CDH13: variants seen among roughly 807,000 people sequenced by gnomAD.
CDH13 encodes the protein cadherin-13.
A neutral mutation model predicts 63.8 loss-of-function variants in CDH13; 24 were observed. The observed-to-expected ratio is 0.38, with a 90% CI of 0.27 to 0.53. The LOEUF (loss-of-function observed/expected upper bound fraction) is 0.53. CDH13 is among the 20% of genes least tolerant of loss of function. CDH13 has a pLI of 0.85. For missense variants in CDH13, 1,049 were observed against 903.1 expected, an observed-to-expected ratio of 1.16 and a Z score of -2.07; for synonymous variants, 503 against 355.3, an observed-to-expected ratio of 1.42 and a Z score of -4.67.
chr16:83,528,488 G>C (rs961957903), intron 7 of CDH13, among the ~76,000 whole-genome samples: 1 of 152,178 alleles, frequency 6.6e-6, no homozygotes, highest in Non-Finnish European at 1.5e-5. Context: ...CTCATTCTCA[G>C]GGGTTGAGAT....
chr16:83,526,148 G>A (rs2074954120), intron 7 of CDH13, among the ~76,000 whole-genome samples: 1 of 152,206 alleles, frequency 6.6e-6, no homozygotes, highest in Admixed American at 6.5e-5. Flanking sequence ...AGGAAATGCT[G>A]CAGCCACCAC....
Position 83,144,769 on chromosome 16 carries a change from A to G in CDH13, c.483+19268A>G, listed in dbSNP as rs368679438. Among the ~76,000 whole-genome samples, 16 of 152,366 alleles carry G rather than the reference A, an allele frequency of 1.1e-4. No individual in the cohort carries two copies. In the East Asian group the frequency reaches 2.5e-3, roughly 24 times the overall value. On this transcript the variant is annotated intron_variant, in intron 4 of 13. Transcript: ENST00000567109. The stretch of plus-strand genomic sequence containing the variant: ...TCATCACCTGGGCTGGGGATCCCAG[A>G]TTCTGTGAGCAGAAGACTTCATCCA...
At chr16:82,674,987 G>A (rs1047120586) in intron 1 of CDH13, among the ~76,000 whole-genome samples, 1 of 152,124 alleles carries the variant, frequency 6.6e-6, no homozygotes, top group Non-Finnish European at 1.5e-5. Context: ...GTCTCTCAAA[G>A]CTTTGAAGCA....
chr16:83,171,672 T>G (rs1039116594), intron 4 of CDH13: 4 of 932,124 alleles, frequency 4.3e-6, no homozygotes, highest in Non-Finnish European at 6.7e-6. Context: ...ACACTGCAAA[T>G]AGCATGCTCT....
chr16:83,541,781 A>G (rs1157980224), intron 7 of CDH13, among the ~76,000 whole-genome samples: 2 of 152,254 alleles, frequency 1.3e-5, no homozygotes, highest in African/African-American at 4.8e-5. Context: ...TCTGCCTAAC[A>G]TAAGACTCTG....
chr16:83,124,255 A>G (rs1374850910), intron 3 of CDH13, among the ~76,000 whole-genome samples: 2 of 152,152 alleles, frequency 1.3e-5, no homozygotes, highest in African/African-American at 4.8e-5. Flanking sequence ...CATGTTGGCC[A>G]GGCTGGTCTC....
chr16:83,775,657 T>G (rs967696634), intron 11 of CDH13, among the ~76,000 whole-genome samples: 3 of 151,570 alleles, frequency 2.0e-5, no homozygotes, highest in African/African-American at 4.9e-5. Context: ...TGGTGGCTTA[T>G]GAGCCAAGAT....
intron 2 of CDH13, among the ~76,000 whole-genome samples, chr16:82,997,050 A>G (rs1912307602): frequency 6.7e-6 from 1 of 148,952 alleles, no homozygotes; most frequent in South Asian, 2.2e-4. Flanking sequence ...GATGATGATG[A>G]TGATAGTGAT....
At chr16:83,495,821 G>A (rs1316930202) in intron 7 of CDH13, among the ~76,000 whole-genome samples, 1 of 152,076 alleles carries the variant, frequency 6.6e-6, no homozygotes, top group Non-Finnish European at 1.5e-5. Flanking sequence ...AAGAAAAAAG[G>A]TCAGAGTTTA....
At chr16:83,181,929 C>CAGACCCTGTGCTT (rs1265313880) in intron 4 of CDH13, among the ~76,000 whole-genome samples, 4 of 152,172 alleles carry the variant, frequency 2.6e-5, no homozygotes, top group African/African-American at 9.7e-5. Flanking sequence ...GCGTCGGGCA[C>CAGACCCTGTGCTT]AGAGACCCTG....
chr16:83,063,239 G>A (rs376707173), intron 3 of CDH13, among the ~76,000 whole-genome samples: 22 of 152,284 alleles, frequency 1.4e-4, no homozygotes, highest in Admixed American at 3.9e-4. Context: ...TGGAATTACA[G>A]GTGTGAGCTA....
intron 6 of CDH13, among the ~76,000 whole-genome samples, chr16:83,479,082 A>G (rs1307867307): frequency 6.6e-6 from 1 of 152,184 alleles, no homozygotes; most frequent in Non-Finnish European, 1.5e-5. Context: ...CAGTTTCCCT[A>G]TCAATTGCTG....
intron 7 of CDH13, among the ~76,000 whole-genome samples, chr16:83,522,999 C>T (rs1196303982): frequency 1.3e-5 from 2 of 152,218 alleles, no homozygotes; most frequent in Non-Finnish European, 2.9e-5. Context: ...TATGTCCTCA[C>T]CTGGCTGAAT....
chr16:83,683,518 G>A (rs1040416982), intron 10 of CDH13, among the ~76,000 whole-genome samples: 7 of 152,144 alleles, frequency 4.6e-5, no homozygotes, highest in Non-Finnish European at 7.4e-5. Flanking sequence ...CCCAGTATAC[G>A]CTGAACAGCT....
intron 10 of CDH13, among the ~76,000 whole-genome samples, chr16:83,688,931 A>C (rs1476429659): frequency 6.6e-6 from 1 of 152,228 alleles, no homozygotes; most frequent in African/African-American, 2.4e-5. Flanking sequence ...CTGGCTAAAA[A>C]TAGAATCCTG....
intron 6 of CDH13, among the ~76,000 whole-genome samples, chr16:83,481,456 G>A (rs545820432): frequency 6.6e-6 from 1 of 152,292 alleles, no homozygotes; most frequent in African/African-American, 2.4e-5. Context: ...CAAGGGGTTG[G>A]CCGTGCTTGA....
intron 1 of CDH13, among the ~76,000 whole-genome samples, chr16:82,692,425 GT>G (rs1915734683): frequency 1.3e-5 from 2 of 152,200 alleles, no homozygotes; most frequent in African/African-American, 4.8e-5. Flanking sequence ...GCAAAGTCAT[GT>G]TTTGCATGGC....
chr16:83,211,125 G>C (rs138651097), intron 4 of CDH13, among the ~76,000 whole-genome samples: 2 of 150,060 alleles, frequency 1.3e-5, no homozygotes, highest in African/African-American at 4.9e-5. Context: ...TCCAGCCTGG[G>C]TGACAGAGCA....
rs1394669405 is a variant in CDH13, at chr16:83,338,179, C to CT, written c.637-6678dup. ...ACACCAAATCAATGTTAGTCCTCTT[C>CT]TTTTTAAAAAAAAAAAAAAAAAAAC... On this transcript the variant is annotated intron_variant, in intron 5 of 13. Coordinates refer to ENST00000567109, the MANE Select transcript of CDH13 (RefSeq NM_001257.5). 4.6e-3 allele frequency among the ~76,000 whole-genome samples: 234 copies of CT among 51,212 alleles called. 1 individual carries two copies. The highest frequency in any genetic ancestry group is 0.045 in the Middle Eastern group (3 of 66). 33.6% of individuals were successfully genotyped at this position (51,212 alleles called of 152,430 possible).
Sources: allele counts gnomAD v4.1 joint callset (sites outside exome capture counted in the v4.1 genomes callset), GRCh38; gene constraint gnomAD v4.1.1; transcripts MANE v1.5; gene names NCBI Gene and HGNC (gene_info 2026-07-23, HGNC 2026-07-21).